Variants in HIF1A observed in about 807,000 individuals in gnomAD.
HIF1A encodes the protein hypoxia-inducible factor 1-alpha.
In HIF1A, 24 loss-of-function variants were observed where a neutral mutation model predicts 92.7. The observed-to-expected ratio is 0.26, with a 90% CI of 0.19 to 0.36. HIF1A has a LOEUF of 0.36. Ranked by LOEUF, HIF1A falls within the 10% of genes least tolerant of loss-of-function variation. The probability of loss-of-function intolerance (pLI) is 1.00; values close to 1 mark genes in which losing one functional copy is unlikely to be tolerated. For missense variants in HIF1A, 799 were observed against 998.5 expected (o/e 0.80, Z 2.69); for synonymous variants, 319 against 338.7 (o/e 0.94, Z 0.64).
At chr14:61,703,058 A>T (rs1257113663) in intron 1 of HIF1A, among the ~76,000 whole-genome samples, 6 of 152,178 alleles carry the variant, frequency 3.9e-5, no homozygotes, top group Non-Finnish European at 8.8e-5. Flanking sequence ...AGTCTGTTTT[A>T]CCATTACTGC....
Position 61,747,586 on chromosome 14 carries a change from T to C in HIF1A, c.*501T>C, listed in dbSNP as rs970960593. Reference sequence around the variant, plus strand: ...CTTAAAAAATACCAGCAGTTACTCATGGAATATATTCTGCGTTTATAAAAC... The same window carrying C: ...CTTAAAAAATACCAGCAGTTACTCACGGAATATATTCTGCGTTTATAAAAC... On this transcript the variant is annotated 3_prime_UTR_variant, in exon 15 of 15. Coordinates refer to ENST00000337138, the MANE Select transcript of HIF1A (RefSeq NM_001530.4). The C allele has an allele frequency of 6.6e-6, 1 of 152,598 alleles. No homozygotes were observed. The highest frequency in any genetic ancestry group is 2.4e-5 in the African/African-American group (1 of 41,438). 9.5% of individuals were successfully genotyped at this position (152,598 alleles called of 1,614,324 possible). A position where few individuals can be genotyped will look rare whatever the true frequency, so the allele number is the denominator to read the frequency against.
At chr14:61,706,574 A>G (rs1314825599) in intron 1 of HIF1A, among the ~76,000 whole-genome samples, 1 of 152,186 alleles carries the variant, frequency 6.6e-6, no homozygotes, top group African/African-American at 2.4e-5. Context: ...AAAATAAATT[A>G]TTCTCGTTTT....
intron 1 of HIF1A, chr14:61,697,738 T>C (rs1182191781): frequency 6.0e-6 from 8 of 1,332,996 alleles, no homozygotes; most frequent in Non-Finnish European, 7.7e-6. Context: ...TCAGCACTTT[T>C]AGATGCTGTT....
At chr14:61,724,376 T>TCTCTCTCCCC (rs1176630262) in intron 4 of HIF1A, among the ~76,000 whole-genome samples, 1 of 150,172 alleles carries the variant, frequency 6.7e-6, no homozygotes, top group Non-Finnish European at 1.5e-5. Context: ...TCTCTCTCTC[T>TCTCTCTCCCC]CTCTCCCCCT....
intron 1 of HIF1A, among the ~76,000 whole-genome samples, chr14:61,696,688 G>C (rs1363565014): frequency 1.3e-5 from 2 of 152,114 alleles, no homozygotes; most frequent in Non-Finnish European, 2.9e-5. Context: ...AAATGTAGGG[G>C]CTGGTTAAAT....
intron 1 of HIF1A, among the ~76,000 whole-genome samples, chr14:61,704,108 A>G (rs1365119495): frequency 6.6e-6 from 1 of 152,210 alleles, no homozygotes; most frequent in African/African-American, 2.4e-5. Context: ...TGAGAATGAA[A>G]TGATACATCA....
intron 1 of HIF1A, among the ~76,000 whole-genome samples, chr14:61,707,085 TAACA>T (rs567368233): frequency 4.8e-4 from 73 of 152,362 alleles, no homozygotes; most frequent in African/African-American, 1.7e-3. Context: ...GAAAAGTATG[TAACA>T]AACTAGTTTT....
chr14:61,715,589 A>C (rs1041613017), intron 1 of HIF1A: 1 of 152,246 alleles, frequency 6.6e-6, no homozygotes. Context: ...TAAGCTATTT[A>C]GCCAGGGTCC....
chr14:61,722,913 C>G (rs74633118), intron 4 of HIF1A, among the ~76,000 whole-genome samples: 2,188 of 152,224 alleles, frequency 0.014, 52 homozygotes, highest in African/African-American at 0.05. Flanking sequence ...ACAGTGTATA[C>G]TGATCATAAT....
At chr14:61,733,739 T>C (rs1350294780) in intron 7 of HIF1A, among the ~76,000 whole-genome samples, 2 of 152,252 alleles carry the variant, frequency 1.3e-5, no homozygotes, top group Non-Finnish European at 2.9e-5. Context: ...ATGCTACATA[T>C]AGCTTTTTAA....
chr14:61,729,474 CA>C (rs1163834185), intron 6 of HIF1A, among the ~76,000 whole-genome samples: 6 of 137,838 alleles, frequency 4.4e-5, no homozygotes, highest in African/African-American at 1.0e-4. Context: ...AAAACAAAAA[CA>C]AAACAAAAAA....
Position 61,720,494 on chromosome 14 carries a change from G to A in HIF1A, c.148G>A (p.Val50Met). 6.2e-7 allele frequency: 1 copy of A among 1,613,612 alleles called. No homozygotes were observed. Residue 50 changes from valine (V) to methionine (M), a missense_variant, in exon 2 of 15, where the codon GTG becomes ATG. By Grantham distance (21) the Val-to-Met change is conservative. Coordinates refer to ENST00000337138, the MANE Select transcript of HIF1A (RefSeq NM_001530.4). ...TCATCAGTTGCCACTTCCACATAATGTGAGTTCGCATCTTGATAAGGCCTC... is the reference window on the plus strand; with the variant it reads ...TCATCAGTTGCCACTTCCACATAATATGAGTTCGCATCTTGATAAGGCCTC... The part of the protein sequence containing the change: ...LAHQLPLPHN[V>M]SSHLDKASVM...
chr14:61,700,816 T>C (rs2044169313), intron 1 of HIF1A, among the ~76,000 whole-genome samples: 1 of 152,208 alleles, frequency 6.6e-6, no homozygotes. Flanking sequence ...TCCTTCCTTC[T>C]CTTCTCTTTC....
chr14:61,697,410 A>G (rs1015246833), intron 1 of HIF1A, among the ~76,000 whole-genome samples: 1 of 152,182 alleles, frequency 6.6e-6, no homozygotes, highest in African/African-American at 2.4e-5. Flanking sequence ...TTCTATCCTT[A>G]TTATATATTG....
chr14:61,702,212 G>A (rs1425541695), intron 1 of HIF1A, among the ~76,000 whole-genome samples: 1 of 148,770 alleles, frequency 6.7e-6, no homozygotes, highest in Non-Finnish European at 1.5e-5. Context: ...TGAATCACCT[G>A]AGGTCAGGAG....
At chr14:61,742,885 C>CA (rs766112676) in intron 12 of HIF1A, among the ~76,000 whole-genome samples, 2,029 of 16,584 alleles carry the variant, frequency 0.12, 166 homozygotes, top group African/African-American at 0.2. Context: ...AACTCGGTTT[C>CA]AAAAAAAAAA....
chr14:61,720,356 G>A, intron 1 of HIF1A, 26 bp from the exon 2 acceptor site: 3 of 1,559,018 alleles, frequency 1.9e-6, no homozygotes, highest in Admixed American at 3.8e-5. Flanking sequence ...TTTCCATCTC[G>A]TGTTTTTCTT....
rs144348150 is a variant in HIF1A, at chr14:61,728,840, C to T, written c.773+1185C>T. ...AAAGTGGGTGTCCTAATGTGAAAATCAGATCATGTCATTCTGTTGTTGAAA... is the reference window on the plus strand; with the variant it reads ...AAAGTGGGTGTCCTAATGTGAAAATTAGATCATGTCATTCTGTTGTTGAAA... On this transcript the variant is annotated intron_variant, in intron 6 of 14. Transcript: ENST00000337138. 7.2e-3 allele frequency among the ~76,000 whole-genome samples: 1,090 copies of T among 152,206 alleles called. 18 individuals carry two copies. Among genetic ancestry groups the T allele is most frequent in the African/African-American group, 0.025 (1,023 of 41,542 alleles).
chr14:61,695,842 A>G lies in HIF1A; in HGVS notation c.35+3A>G, dbSNP rs1566556775. ...GGCGGCGCGAACGACAAGAAAAAGT[A>G]AGCCCATTCCCTCGGCCCGCCGCCT... is the stretch of plus-strand genomic sequence containing the variant. On this transcript the variant is annotated splice_donor_region_variant and intron_variant, in intron 1 of 14. Transcript: ENST00000337138. 3 of 1,585,368 alleles carry G rather than the reference A, an allele frequency of 1.9e-6. No homozygotes were observed. The highest frequency in any genetic ancestry group is 4.6e-5 in the East Asian group (2 of 43,628).
Sources: allele counts gnomAD v4.1 joint callset (sites outside exome capture counted in the v4.1 genomes callset), GRCh38; gene constraint gnomAD v4.1.1; transcripts MANE v1.5; gene names NCBI Gene and HGNC (gene_info 2026-07-23, HGNC 2026-07-21).